The following SLC24A2 variants were observed in gnomAD, a reference collection of about 807,000 sequenced individuals.
SLC24A2 encodes the protein sodium/potassium/calcium exchanger 2.
Under a neutral mutation model 62.0 loss-of-function variants are expected in SLC24A2, and 36 were observed. The observed-to-expected ratio is 0.58, with a 90% CI of 0.44 to 0.77. SLC24A2 has a LOEUF of 0.77. SLC24A2 is among the 30% of genes least tolerant of loss of function. The pLI, the probability that SLC24A2 is intolerant of heterozygous loss-of-function variation, is 0.00. For missense variants in SLC24A2, 846 were observed against 817.9 expected, an observed-to-expected ratio of 1.03 and a Z score of -0.42; for synonymous variants, 358 against 294.0, an observed-to-expected ratio of 1.22 and a Z score of -2.23.
chr9:19,645,139 CAG>C (rs139193177), intron 2 of SLC24A2, among the ~76,000 whole-genome samples: 9,733 of 152,128 alleles, frequency 0.064, 1,010 homozygotes, highest in African/African-American at 0.22. Context: ...AAGGTATGGA[CAG>C]AGGGGCAAGT....
At chr9:20,025,623 G>A in the SLC24A2 span, among the ~76,000 whole-genome samples, 1 of 152,128 alleles carries the variant, frequency 6.6e-6, no homozygotes, top group African/African-American at 2.4e-5. Flanking sequence ...GAGGAGCTAT[G>A]AAGATGAATG....
At chr9:19,845,711 T>G in the SLC24A2 span, among the ~76,000 whole-genome samples, 293 of 152,332 alleles carry the variant, frequency 1.9e-3, 3 homozygotes, top group African/African-American at 6.6e-3. Flanking sequence ...TTTAACTTTT[T>G]GAAGTAGATG....
intron 2 of SLC24A2, among the ~76,000 whole-genome samples, chr9:19,781,434 A>C (rs1178774189): frequency 6.6e-6 from 1 of 152,230 alleles, no homozygotes; most frequent in Non-Finnish European, 1.5e-5. Flanking sequence ...CACAAAGTTT[A>C]GGTCATCTGT....
At chr9:19,804,739 A>G in the SLC24A2 span, among the ~76,000 whole-genome samples, 1 of 152,158 alleles carries the variant, frequency 6.6e-6, no homozygotes, top group African/African-American at 2.4e-5. Flanking sequence ...ATCTTCCACC[A>G]TTAAGTATAG....
the SLC24A2 span, among the ~76,000 whole-genome samples, chr9:19,996,767 A>G: frequency 9.5e-5 from 14 of 147,156 alleles, no homozygotes; most frequent in East Asian, 2.0e-4. Flanking sequence ...AAAAAAAAAA[A>G]GGAGATCCAT....
intron 1 of SLC24A2, chr9:19,788,580 C>A (rs994923788): frequency 1.4e-5 from 14 of 985,338 alleles, no homozygotes; most frequent in Non-Finnish European, 1.7e-5. Flanking sequence ...TGGCCCGCAT[C>A]CCCCTGAGTC....
At chr9:19,553,023 T>A (rs1482733833) in intron 7 of SLC24A2, among the ~76,000 whole-genome samples, 2 of 152,080 alleles carry the variant, frequency 1.3e-5, no homozygotes, top group African/African-American at 4.8e-5. Flanking sequence ...CCATGGAAAC[T>A]TCACAGCCTC....
chr9:19,862,813 T>C, the SLC24A2 span, among the ~76,000 whole-genome samples: 2 of 151,588 alleles, frequency 1.3e-5, no homozygotes, highest in Non-Finnish European at 1.5e-5. Context: ...CTCATGGTAA[T>C]TTACCTCAAA....
the SLC24A2 span, among the ~76,000 whole-genome samples, chr9:19,882,845 G>C: frequency 6.6e-6 from 1 of 152,098 alleles, no homozygotes; most frequent in Non-Finnish European, 1.5e-5. Context: ...AAACTGAGCT[G>C]TGCCCTGCTG....
At chr9:20,288,353 C>A in the SLC24A2 span, among the ~76,000 whole-genome samples, 2 of 152,276 alleles carry the variant, frequency 1.3e-5, no homozygotes, top group East Asian at 3.9e-4. Context: ...CATCAACACT[C>A]CTCCTACCAA....
chr9:20,023,304 G>C, the SLC24A2 span, among the ~76,000 whole-genome samples: 2 of 152,190 alleles, frequency 1.3e-5, no homozygotes, highest in South Asian at 4.1e-4. Context: ...TCCCATGCTT[G>C]ATTTTAAAGA....
chr9:20,235,487 G>A, the SLC24A2 span, among the ~76,000 whole-genome samples: 1 of 152,202 alleles, frequency 6.6e-6, no homozygotes, highest in Non-Finnish European at 1.5e-5. Context: ...GGATTGCTGT[G>A]CTAGCAATGA....
chr9:19,810,998 T>C, the SLC24A2 span, among the ~76,000 whole-genome samples: 1 of 126,842 alleles, frequency 7.9e-6, no homozygotes, highest in Non-Finnish European at 1.8e-5. Flanking sequence ...CACTCCGCAG[T>C]GAACAATCTG....
intron 7 of SLC24A2, among the ~76,000 whole-genome samples, chr9:19,557,093 G>C (rs188790092): frequency 1.3e-5 from 2 of 152,304 alleles, no homozygotes; most frequent in East Asian, 3.9e-4. Flanking sequence ...CTGAACAAAA[G>C]TGACAGTGCT....
At chr9:19,865,686 T>C in the SLC24A2 span, among the ~76,000 whole-genome samples, 7 of 152,100 alleles carry the variant, frequency 4.6e-5, no homozygotes, top group African/African-American at 1.7e-4. Flanking sequence ...TCTTGCCATA[T>C]ACAAAAATCA....
chr9:19,887,975 G>C, the SLC24A2 span, among the ~76,000 whole-genome samples: 3 of 152,162 alleles, frequency 2.0e-5, no homozygotes, highest in Admixed American at 2.0e-4. Context: ...GGACTTTGGG[G>C]ACTCAGGGGA....
At chr9:19,630,022 C>A (rs1194464563) in intron 2 of SLC24A2, among the ~76,000 whole-genome samples, 1 of 152,110 alleles carries the variant, frequency 6.6e-6, no homozygotes, top group East Asian at 1.9e-4. Flanking sequence ...CTTATGGAAC[C>A]TGCATTTCAG....
intron 2 of SLC24A2, among the ~76,000 whole-genome samples, chr9:19,629,513 A>T (rs1392538090): frequency 6.6e-6 from 1 of 152,188 alleles, no homozygotes; most frequent in Non-Finnish European, 1.5e-5. Flanking sequence ...TACTATTGTC[A>T]TGATTTACTA....
intron 2 of SLC24A2, among the ~76,000 whole-genome samples, chr9:19,736,242 G>A (rs144647061): frequency 1.8e-4 from 28 of 152,082 alleles, no homozygotes; most frequent in African/African-American, 5.8e-4. Flanking sequence ...AATCCAAAGA[G>A]TAGCAAAAAA....
Sources: allele counts gnomAD v4.1 joint callset (sites outside exome capture counted in the v4.1 genomes callset), GRCh38; gene constraint gnomAD v4.1.1; transcripts MANE v1.5; gene names NCBI Gene and HGNC (gene_info 2026-07-23, HGNC 2026-07-21).